Variants in ZZEF1 observed in about 807,000 individuals in gnomAD.
ZZEF1 encodes the protein zinc finger ZZ-type and EF-hand domain containing 1.
ZZEF1 carries 157 observed loss-of-function variants against 342.8 expected under a neutral mutation model. That is an observed-to-expected ratio of 0.46 (90% CI 0.40 to 0.52). The LOEUF (loss-of-function observed/expected upper bound fraction) is 0.52, where lower values mean the gene tolerates loss of function less well. ZZEF1 is among the 20% of genes least tolerant of loss of function. The probability of loss-of-function intolerance (pLI) is 0.00; values close to 1 mark genes in which losing one functional copy is unlikely to be tolerated. For synonymous variants in ZZEF1, 1,505 were observed against 1,429.1 expected (o/e 1.05, Z -1.20); for missense variants, 3,480 against 3,725.6 (o/e 0.93, Z 1.72).
chr17:4,065,440 T>C (rs75669552), intron 28 of ZZEF1, among the ~76,000 whole-genome samples: 9,659 of 151,354 alleles, frequency 0.064, 424 homozygotes, highest in South Asian at 0.12. Context: ...GAAAAAGTGA[T>C]ACACATATTT....
In ZZEF1 at chr17:4,016,227, A is replaced by G. The variant is rs570880968; in HGVS notation, c.8145+96T>C. ...CTCTGCTGTCCAGCGGGAGAGAGCC[A>G]CAGAGGGGCTGAGCATGGAGGGGCT... On this transcript the variant is annotated intron_variant, in intron 49 of 54. Coordinates refer to ENST00000381638, the MANE Select transcript of ZZEF1 (RefSeq NM_015113.4). This position sits in a 1 kb window ranked among gnomAD's most constrained non-coding sequence, Gnocchi z 4.4. The G allele has an allele frequency of 1.4e-6, 2 of 1,447,060 alleles. No individual in the cohort carries two copies. Among genetic ancestry groups the G allele is most frequent in the South Asian group, 2.7e-5 (2 of 73,800 alleles). The allele number at this position is 1,447,060 out of a possible 1,614,324, so 89.6% of individuals were successfully genotyped here. A position where few individuals can be genotyped will look rare whatever the true frequency, so the allele number is the denominator to read the frequency against.
rs749353820 is a variant in ZZEF1 at position 4,060,574 on chromosome 17, A to ACAG, written c.4884-1285_4884-1284insCTG. Among the ~76,000 whole-genome samples, 40 of 150,978 alleles carry ACAG rather than the reference A, an allele frequency of 2.6e-4. 1 individual carries two copies. Among genetic ancestry groups the ACAG allele is most frequent in the Admixed American group, 2.0e-3 (30 of 15,182 alleles). The stretch of plus-strand genomic sequence containing the variant: ...CAAGACAAAAAAACAAACAACAACA[A>ACAG]CAACAACAAAAAACAAACAAAAAAA... On this transcript the variant is annotated intron_variant, in intron 30 of 54. Coordinates refer to ENST00000381638, the MANE Select transcript of ZZEF1 (RefSeq NM_015113.4).
chr17:4,141,160 C>T (rs1436780591), intron 1 of ZZEF1, among the ~76,000 whole-genome samples: 1 of 152,240 alleles, frequency 6.6e-6, no homozygotes, highest in African/African-American at 2.4e-5. Flanking sequence ...CCTCCCGCCT[C>T]AGCCTCCCAA....
chr17:4,014,546 C>T lies in ZZEF1; in HGVS notation c.8146-31G>A, dbSNP rs746418279. 114 of 1,611,072 alleles carry T rather than the reference C, an allele frequency of 7.1e-5. No individual in the cohort carries two copies. Among genetic ancestry groups the T allele is most frequent in the Admixed American group, 5.0e-5 (3 of 59,972 alleles). ...GAGGGGAAATGGAGAACACATCTGTCGATGCTGCTCACTAGACACTGACTG... is the reference window on the plus strand; with the variant it reads ...GAGGGGAAATGGAGAACACATCTGTTGATGCTGCTCACTAGACACTGACTG... On this transcript the variant is annotated intron_variant, in intron 49 of 54. Transcript: ENST00000381638. This position sits in a 1 kb window ranked among gnomAD's most constrained non-coding sequence, Gnocchi z 4.4.
chr17:4,112,983 C>T (rs1484885944), intron 4 of ZZEF1, among the ~76,000 whole-genome samples, 175 bp from the exon 5 acceptor site: 2 of 152,224 alleles, frequency 1.3e-5, no homozygotes, highest in Non-Finnish European at 2.9e-5. Flanking sequence ...CCTTGACCTT[C>T]CCACATTTTT....
At chr17:4,053,967 G>C in intron 34 of ZZEF1, 90 bp downstream of exon 34, 1 of 1,432,080 alleles carries the variant, frequency 7.0e-7, no homozygotes, top group Non-Finnish European at 9.4e-7. Context: ...CTTTGATTTA[G>C]TACACTGAGA....
chr17:4,109,428 G>A (rs1241568166), intron 6 of ZZEF1, among the ~76,000 whole-genome samples: 1 of 152,184 alleles, frequency 6.6e-6, no homozygotes, highest in Non-Finnish European at 1.5e-5. Context: ...ACGAGGAGCA[G>A]GAAGGTGGAA....
At chr17:4,049,093 A>T (rs2056990156) in intron 37 of ZZEF1, among the ~76,000 whole-genome samples, 1 of 152,174 alleles carries the variant, frequency 6.6e-6, no homozygotes, top group South Asian at 2.1e-4. Flanking sequence ...GTTAACACAG[A>T]TATGGAACTT....
At chr17:4,095,211 T>C (rs2058012359) in intron 11 of ZZEF1, among the ~76,000 whole-genome samples, 1 of 152,164 alleles carries the variant, frequency 6.6e-6, no homozygotes, top group South Asian at 2.1e-4. Context: ...CTCCTTCCAG[T>C]GGCCGATCAA....
intron 1 of ZZEF1, among the ~76,000 whole-genome samples, chr17:4,133,983 G>T (rs1329329938): frequency 6.6e-6 from 1 of 152,082 alleles, no homozygotes; most frequent in Non-Finnish European, 1.5e-5. Flanking sequence ...GGATTTATCG[G>T]CATAAGCCAC....
intron 6 of ZZEF1, among the ~76,000 whole-genome samples, chr17:4,109,238 A>G (rs1043674174): frequency 6.6e-6 from 1 of 152,244 alleles, no homozygotes; most frequent in East Asian, 1.9e-4. Flanking sequence ...TCACAGGTAC[A>G]CTTCAGTGTC....
At chr17:4,033,866 T>G (rs1258223601) in intron 40 of ZZEF1, 149 bp downstream of exon 40, 15 of 1,064,232 alleles carry the variant, frequency 1.4e-5, no homozygotes, top group African/African-American at 7.9e-5. Flanking sequence ...ACAGCATTGC[T>G]CATGAACCTA....
At chr17:4,037,720 A>G (rs1359364279) in intron 39 of ZZEF1, among the ~76,000 whole-genome samples, 1 of 152,242 alleles carries the variant, frequency 6.6e-6, no homozygotes, top group Non-Finnish European at 1.5e-5. Flanking sequence ...AGTAGCTGAG[A>G]CTATAGGTGT....
rs773198714 is a variant in ZZEF1 at position 4,077,033 on chromosome 17, T to C, written c.2990-44A>G. The C allele has an allele frequency of 2.6e-6, 4 of 1,519,584 alleles. No homozygotes were observed. The South Asian group carries it at 5.2e-5, about 20-fold the overall frequency. The allele number at this position is 1,519,584 out of a possible 1,614,324, so 94.1% of individuals were successfully genotyped here. A position where few individuals can be genotyped will look rare whatever the true frequency, so the allele number is the denominator to read the frequency against. ...TAATTAATATATTATATAGTAGAAA[T>C]GTCACATGCTTGGTTATCACCACAG... On this transcript the variant is annotated intron_variant, in intron 19 of 54. Coordinates refer to ENST00000381638, the MANE Select transcript of ZZEF1 (RefSeq NM_015113.4).
At chr17:4,133,223 T>C (rs1305969609) in intron 1 of ZZEF1, among the ~76,000 whole-genome samples, 2 of 152,174 alleles carry the variant, frequency 1.3e-5, no homozygotes, top group Non-Finnish European at 2.9e-5. Flanking sequence ...ACTCGTTAAA[T>C]GCCAGGCACC....
At position 4,024,948 on chromosome 17, in the gene ZZEF1, C is replaced by G. The variant is rs1223721833; in HGVS notation, c.7063G>C (p.Ala2355Pro). Residue 2355 changes from alanine to proline, a missense_variant, in exon 43 of 55, where the codon GCC becomes CCC. Ala to Pro is a conservative substitution (Grantham distance 27). Coordinates refer to ENST00000381638, the MANE Select transcript of ZZEF1 (RefSeq NM_015113.4). ...AVEATWVLSL[A>P]LKGLYKTLKA... The stretch of plus-strand genomic sequence containing the variant: ...AGTGTTTTATACAATCCTTTCAGGG[C>G]CAGGGACAGGACCCAAGTTGCTTCT... The G allele has an allele frequency of 6.2e-7, 1 of 1,614,182 alleles. No homozygotes were observed. Among genetic ancestry groups the G allele is most frequent in the South Asian group, 1.1e-5 (1 of 91,082 alleles).
At chr17:4,062,246 C>A (rs996095145) in intron 30 of ZZEF1, among the ~76,000 whole-genome samples, 1 of 152,014 alleles carries the variant, frequency 6.6e-6, no homozygotes, top group African/African-American at 2.4e-5. Context: ...CTGTATTAAT[C>A]ACCACATAAC....
At chr17:4,139,393 T>C (rs537181576) in intron 1 of ZZEF1, among the ~76,000 whole-genome samples, 152 of 152,348 alleles carry the variant, frequency 1.0e-3, no homozygotes, top group Middle Eastern at 3.4e-3. Context: ...CTATCTGTTT[T>C]ACCATGTTAG....
In ZZEF1 at chr17:4,017,558, TC is replaced by T; in HGVS notation, c.7813del (p.Asp2605ThrfsTer6). Reference protein sequence around the residue: ...LNCKSKRAVRDYLFRVNEATA... With the variant: ...LNCKSKRAVRXYLFRVNEATA... ...GGCCTCGTTCACTCGGAAGAGGTAG[TC>T]CCGGACAGCCCTCTTACTCTTGCAG... On this transcript the variant is annotated frameshift_variant, in exon 48 of 55. Coordinates refer to ENST00000381638, the MANE Select transcript of ZZEF1 (RefSeq NM_015113.4). LOFTEE classifies it high-confidence loss of function. This position sits in a 1 kb window ranked among gnomAD's most constrained non-coding sequence, Gnocchi z 5.1. The T allele has an allele frequency of 6.2e-7, 1 of 1,614,200 alleles. No individual in the cohort carries two copies. Among genetic ancestry groups the T allele is most frequent in the Non-Finnish European group, 8.5e-7 (1 of 1,180,030 alleles).
Sources: allele counts gnomAD v4.1 joint callset (sites outside exome capture counted in the v4.1 genomes callset), GRCh38; gene constraint gnomAD v4.1.1; non-coding constraint Gnocchi (gnomAD v3.1); transcripts MANE v1.5; gene names NCBI Gene and HGNC (gene_info 2026-07-23, HGNC 2026-07-21).